The following BLOC1S3 variants were observed in gnomAD, a reference collection of about 807,000 sequenced individuals.
BLOC1S3 encodes the protein biogenesis of lysosome-related organelles complex 1 subunit 3.
In BLOC1S3, 7 loss-of-function variants were observed where a neutral mutation model predicts 9.1. The ratio of observed to expected loss-of-function variants is 0.77; its 90% CI spans 0.44 to 1.45. The LOEUF (loss-of-function observed/expected upper bound fraction) is 1.45, where lower values mean the gene tolerates loss of function less well. BLOC1S3 is among the 40% of genes most tolerant of loss of function. BLOC1S3 has a pLI of 0.01. For synonymous variants in BLOC1S3, 145 were observed against 158.4 expected (o/e 0.92, Z 0.64); for missense variants, 307 against 315.2 (o/e 0.97, Z 0.20).
At position 45,180,796 on chromosome 19, in the gene BLOC1S3, G is replaced by C. The variant is rs1299430746; in HGVS notation, c.*891G>C. ...GGCTGGAGTACAGTGGCGTGATCTC[G>C]GCTCACTGCCACCTCCACCTCCCGA... On this transcript the variant is annotated 3_prime_UTR_variant, in exon 2 of 2. Transcript: ENST00000433642. 6.1e-6 allele frequency: 1 copy of C among 164,446 alleles called. No homozygotes were observed. Among genetic ancestry groups the C allele is most frequent in the African/African-American group, 2.4e-5 (1 of 41,394 alleles). The allele number at this position is 164,446 out of a possible 1,614,324, so 10.2% of individuals were successfully genotyped here.
chr19:45,199,993 T>G (rs1969677994), intron 2 of BLOC1S3, among the ~76,000 whole-genome samples: 2 of 151,938 alleles, frequency 1.3e-5, no homozygotes, highest in African/African-American at 4.8e-5. Context: ...CTCAAACTCC[T>G]GACCTCAGGT....
upstream of BLOC1S3, among the ~76,000 whole-genome samples, chr19:45,186,805 C>G (rs1969569252): frequency 6.6e-6 from 1 of 152,220 alleles, no homozygotes; most frequent in Non-Finnish European, 1.5e-5. Context: ...GCCCTATGAT[C>G]TGGTCCTGGG....
At chr19:45,216,617 T>C (rs1449357771) in intron 3 of BLOC1S3, 1 of 154,096 alleles carries the variant, frequency 6.5e-6, no homozygotes, top group Non-Finnish European at 1.4e-5. Flanking sequence ...AAATAAAATG[T>C]AGCAGAAGAC....
chr19:45,214,408 T>C (rs1338058743), intron 3 of BLOC1S3, among the ~76,000 whole-genome samples: 1 of 152,172 alleles, frequency 6.6e-6, no homozygotes, highest in African/African-American at 2.4e-5. Context: ...CATCCAGCAC[T>C]GTCACATGGT....
intron 3 of BLOC1S3, among the ~76,000 whole-genome samples, chr19:45,211,372 G>A (rs1011951776): frequency 1.3e-5 from 2 of 151,424 alleles, no homozygotes; most frequent in Non-Finnish European, 1.5e-5. Flanking sequence ...TGGTGGTGGA[G>A]GGGGGGCACC....
At chr19:45,207,474 C>T (rs1969735683) in intron 3 of BLOC1S3, among the ~76,000 whole-genome samples, 1 of 143,992 alleles carries the variant, frequency 6.9e-6, no homozygotes, top group Non-Finnish European at 1.5e-5. Context: ...TTATAGTCCA[C>T]ATCTTTAACT....
downstream of BLOC1S3, among the ~76,000 whole-genome samples, chr19:45,182,981 A>G (rs1969537544): frequency 6.6e-6 from 1 of 152,084 alleles, no homozygotes; most frequent in African/African-American, 2.4e-5. Context: ...GAAGTAGGTG[A>G]AATGGGAGTA....
At chr19:45,216,036 AGGCAC>A (rs775784213) in intron 3 of BLOC1S3, 82 of 1,608,728 alleles carry the variant, frequency 5.1e-5, no homozygotes, top group Non-Finnish European at 6.3e-5. Flanking sequence ...GACCTCGGCC[AGGCAC>A]GGCGAGCCCT....
At chr19:45,204,066 G>A (rs913049213) in intron 3 of BLOC1S3, among the ~76,000 whole-genome samples, 1 of 151,944 alleles carries the variant, frequency 6.6e-6, no homozygotes, top group Non-Finnish European at 1.5e-5. Flanking sequence ...GAGTGCAGTG[G>A]CGCAATCTTG....
chr19:45,181,830 A>G (rs1165745819), downstream of BLOC1S3: 1 of 166,688 alleles, frequency 6.0e-6, no homozygotes, highest in Non-Finnish European at 1.5e-5. Flanking sequence ...TTGTTTCCCT[A>G]TCTAAGCTAA....
chr19:45,195,040 C>T (rs1240495029), intron 2 of BLOC1S3, among the ~76,000 whole-genome samples: 2 of 151,414 alleles, frequency 1.3e-5, no homozygotes, highest in Non-Finnish European at 2.9e-5. Flanking sequence ...AAGCGAGTCT[C>T]CTGCCCCAGC....
downstream of BLOC1S3, among the ~76,000 whole-genome samples, chr19:45,182,095 A>G (rs760169022): frequency 3.9e-5 from 6 of 152,220 alleles, no homozygotes; most frequent in Non-Finnish European, 1.5e-5. Context: ...GTTCTCATAG[A>G]TAGTTCTAGT....
intron 3 of BLOC1S3, chr19:45,216,181 G>A (rs1026885638): frequency 8.7e-6 from 14 of 1,613,648 alleles, no homozygotes; most frequent in East Asian, 2.2e-5. Flanking sequence ...ATCCAGCCAC[G>A]AGGCCTGGGA....
chr19:45,208,472 T>G (rs887667785), intron 3 of BLOC1S3, among the ~76,000 whole-genome samples: 5 of 151,126 alleles, frequency 3.3e-5, no homozygotes, highest in African/African-American at 1.2e-4. Flanking sequence ...CTGGGCGTGG[T>G]GTCGGGCGTG....
At chr19:45,191,933 A>G (rs1251674289) in intron 2 of BLOC1S3, among the ~76,000 whole-genome samples, 1 of 152,058 alleles carries the variant, frequency 6.6e-6, no homozygotes, top group Non-Finnish European at 1.5e-5. Flanking sequence ...CCTGGGTACC[A>G]CCTATGTCCA....
chr19:45,188,691 G>A (rs1332302724), intron 2 of BLOC1S3, among the ~76,000 whole-genome samples: 1 of 151,524 alleles, frequency 6.6e-6, no homozygotes, highest in Admixed American at 6.6e-5. Flanking sequence ...TCCTGCCTCA[G>A]CCTCCCAAGT....
At chr19:45,211,890 G>A (rs972026556) in intron 3 of BLOC1S3, among the ~76,000 whole-genome samples, 3 of 152,154 alleles carry the variant, frequency 2.0e-5, no homozygotes, top group Non-Finnish European at 4.4e-5. Context: ...AGGGGCAGGA[G>A]TCAGCAGGGA....
intron 3 of BLOC1S3, among the ~76,000 whole-genome samples, chr19:45,215,722 G>A (rs59460046): frequency 8.5e-5 from 13 of 152,108 alleles, no homozygotes; most frequent in Non-Finnish European, 1.8e-4. Context: ...TGCGCCTGCC[G>A]CTGTCCCAGT....
chr19:45,216,161 G>T lies in BLOC1S3; in HGVS notation n.283-515G>T. 4 of 1,613,950 alleles carry T rather than the reference G, an allele frequency of 2.5e-6. No homozygotes were observed. In the South Asian group the frequency reaches 3.3e-5, roughly 13 times the overall value. On this transcript the variant is annotated intron_variant and non_coding_transcript_variant, in intron 3 of 3. Coordinates refer to the BLOC1S3 transcript ENST00000591569. ...AGCTGCATGACTTCAGCCAAATGGG[G>T]CACCACGGCATCCAGCCACGAGGCC...
Sources: gnomAD v4.1 joint callset for allele counts (sites outside exome capture counted in the v4.1 genomes callset) on GRCh38, gnomAD v4.1.1 for gene constraint, MANE v1.5 for transcripts, NCBI Gene and HGNC (gene_info 2026-07-23, HGNC 2026-07-21) for gene names.